CACNA2D3: variants seen among roughly 807,000 people sequenced by gnomAD.
CACNA2D3 encodes the protein calcium voltage-gated channel auxiliary subunit alpha2delta 3.
A neutral mutation model predicts 160.6 loss-of-function variants in CACNA2D3; 60 were observed. The observed-to-expected ratio is 0.37, with a 90% CI of 0.30 to 0.46. CACNA2D3 has a LOEUF of 0.46. CACNA2D3 is among the 20% of genes least tolerant of loss of function. The pLI is 1.00. For synonymous variants in CACNA2D3, 558 were observed against 492.9 expected (o/e 1.13, Z -1.75); for missense variants, 1,205 against 1,365.0 (o/e 0.88, Z 1.85).
intron 8 of CACNA2D3, among the ~76,000 whole-genome samples, chr3:54,573,847 C>A (rs973118724): frequency 1.3e-5 from 2 of 152,198 alleles, no homozygotes; most frequent in African/African-American, 4.8e-5. Flanking sequence ...GCGAATTTTG[C>A]CTCGTTGAAT....
intron 4 of CACNA2D3, among the ~76,000 whole-genome samples, chr3:54,426,929 TG>T (rs1324782816): frequency 6.6e-6 from 1 of 152,198 alleles, no homozygotes; most frequent in Non-Finnish European, 1.5e-5. Context: ...TGTGTCTGCT[TG>T]TACTGTTTCT....
intron 11 of CACNA2D3, among the ~76,000 whole-genome samples, chr3:54,683,082 C>T (rs555313856): frequency 6.6e-6 from 1 of 151,944 alleles, no homozygotes; most frequent in South Asian, 2.1e-4. Context: ...TCATTCACAC[C>T]CCCTCTACAA....
At chr3:54,168,623 A>G (rs1471584319) in intron 2 of CACNA2D3, among the ~76,000 whole-genome samples, 6 of 152,184 alleles carry the variant, frequency 3.9e-5, no homozygotes, top group Non-Finnish European at 7.3e-5. Flanking sequence ...ACTTCTCAGC[A>G]TTCCTGCCAC....
At chr3:54,508,770 C>T (rs749720525) in intron 5 of CACNA2D3, among the ~76,000 whole-genome samples, 10 of 152,264 alleles carry the variant, frequency 6.6e-5, no homozygotes, top group Admixed American at 3.9e-4. Context: ...GGCACCCAGT[C>T]GGGCTGGGAA....
intron 11 of CACNA2D3, among the ~76,000 whole-genome samples, chr3:54,659,374 C>T (rs1294788401): frequency 1.3e-5 from 2 of 152,078 alleles, no homozygotes; most frequent in East Asian, 3.9e-4. Context: ...ATTGATACTC[C>T]CAGCACTTTT....
intron 11 of CACNA2D3, among the ~76,000 whole-genome samples, chr3:54,688,333 T>C (rs943202432): frequency 1.3e-5 from 2 of 152,198 alleles, no homozygotes; most frequent in Admixed American, 1.3e-4. Flanking sequence ...CTTCTTTTTT[T>C]CCTTGTCTCC....
intron 11 of CACNA2D3, among the ~76,000 whole-genome samples, chr3:54,751,618 G>C (rs2107066680): frequency 6.6e-6 from 1 of 152,264 alleles, no homozygotes; most frequent in South Asian, 2.1e-4. Flanking sequence ...CAAAATGCTA[G>C]CTAACCACAA....
intron 31 of CACNA2D3, among the ~76,000 whole-genome samples, chr3:54,988,296 C>T (rs1559456100): frequency 6.6e-6 from 1 of 152,208 alleles, no homozygotes; most frequent in Non-Finnish European, 1.5e-5. Flanking sequence ...GTGGCAGATA[C>T]TGACTACTCA....
chr3:54,653,387 G>A lies in CACNA2D3; in HGVS notation c.1167+11146G>A, dbSNP rs2106868162. 1.3e-5 allele frequency among the ~76,000 whole-genome samples: 2 copies of A among 151,816 alleles called. 1 individual carries two copies. The highest frequency in any genetic ancestry group is 3.9e-4 in the East Asian group (2 of 5,150). On this transcript the variant is annotated intron_variant, in intron 11 of 37. Coordinates refer to ENST00000474759, the MANE Select transcript of CACNA2D3 (RefSeq NM_018398.3). ...CTTTCTCTTTCTTTCTCCTTCCCTG[G>A]CTGAAGTCACATTTGGTCCAAAAGT...
In CACNA2D3 at chr3:54,320,510, G is replaced by C; in HGVS notation, c.273G>C (p.Leu91=). The change falls in exon 3 of 38, where the codon CTG becomes CTC. Residue 91 remains leucine (L), a synonymous_variant. Coordinates refer to ENST00000474759, the MANE Select transcript of CACNA2D3 (RefSeq NM_018398.3). ...EIDGLQLVKK[L]AKNMEEMFHK... ...ATGGCCTCCAACTGGTAAAGAAGCT[G>C]GCAAAGAACATGGAAGAGATGTTTC... The C allele has an allele frequency of 6.4e-7, 1 of 1,569,694 alleles. No individual in the cohort carries two copies. The highest frequency in any genetic ancestry group is 8.6e-7 in the Non-Finnish European group (1 of 1,156,734).
At chr3:54,670,915 T>A (rs1559544863) in intron 11 of CACNA2D3, among the ~76,000 whole-genome samples, 1 of 152,166 alleles carries the variant, frequency 6.6e-6, no homozygotes, top group South Asian at 2.1e-4. Flanking sequence ...TCTCTCTCCC[T>A]GCCTTCCTTC....
intron 4 of CACNA2D3, among the ~76,000 whole-genome samples, chr3:54,441,278 A>G (rs1177199962): frequency 1.3e-5 from 2 of 152,256 alleles, no homozygotes; most frequent in East Asian, 3.9e-4. Flanking sequence ...GGCTACATAA[A>G]TGTCTTCTTT....
rs116825870 is a variant in CACNA2D3, at chr3:54,453,695, C to G, written c.382-49797C>G. Among the ~76,000 whole-genome samples the G allele has an allele frequency of 6.2e-3, 941 of 152,272 alleles. 9 individuals are homozygous for G. Among genetic ancestry groups the G allele is most frequent in the African/African-American group, 0.022 (898 of 41,556 alleles). ...CTTGCTCTCTCAATTCCTTCTTCCT[C>G]TGTCTTGGTGTTACTGTTAGGTAAG... is the stretch of plus-strand genomic sequence containing the variant. On this transcript the variant is annotated intron_variant, in intron 4 of 37. Coordinates refer to ENST00000474759, the MANE Select transcript of CACNA2D3 (RefSeq NM_018398.3).
intron 4 of CACNA2D3, among the ~76,000 whole-genome samples, chr3:54,424,749 C>T (rs986445307): frequency 1.3e-5 from 2 of 152,172 alleles, no homozygotes; most frequent in African/African-American, 4.8e-5. Context: ...CCATTCTCTC[C>T]CTGCATCCTC....
intron 2 of CACNA2D3, among the ~76,000 whole-genome samples, chr3:54,195,731 C>A (rs1244498542): frequency 6.6e-6 from 1 of 152,082 alleles, no homozygotes; most frequent in Non-Finnish European, 1.5e-5. Flanking sequence ...GTTGGGTTTT[C>A]ACAGGTTTGG....
At chr3:54,344,186 G>T (rs1430457827) in intron 3 of CACNA2D3, among the ~76,000 whole-genome samples, 3 of 152,118 alleles carry the variant, frequency 2.0e-5, no homozygotes, top group Non-Finnish European at 4.4e-5. Flanking sequence ...TTAGGTTCCC[G>T]CAGCCTCTCT....
At chr3:54,245,392 C>G (rs960911335) in intron 2 of CACNA2D3, among the ~76,000 whole-genome samples, 3 of 151,972 alleles carry the variant, frequency 2.0e-5, no homozygotes, top group African/African-American at 7.3e-5. Context: ...GACCCCCTGC[C>G]TGGACCCATC....
intron 2 of CACNA2D3, among the ~76,000 whole-genome samples, chr3:54,229,531 T>G (rs1701733107): frequency 6.6e-6 from 1 of 152,076 alleles, no homozygotes; most frequent in Non-Finnish European, 1.5e-5. Flanking sequence ...GACAGGGTCT[T>G]GCCATGTTGC....
chr3:55,012,833 T>A (rs1388559545), intron 34 of CACNA2D3, among the ~76,000 whole-genome samples: 1 of 152,064 alleles, frequency 6.6e-6, no homozygotes, highest in African/African-American at 2.4e-5. Context: ...TAGGGGACAG[T>A]GACTAAGGGA....
Sources: gnomAD v4.1 joint callset for allele counts (sites outside exome capture counted in the v4.1 genomes callset) on GRCh38, gnomAD v4.1.1 for gene constraint, MANE v1.5 for transcripts, NCBI Gene and HGNC (gene_info 2026-07-23, HGNC 2026-07-21) for gene names.